The following TSHZ2 variants were observed in gnomAD, a reference collection of about 807,000 sequenced individuals.
The protein encoded by TSHZ2 is teashirt homolog 2.
In TSHZ2, 21 loss-of-function variants were observed where a neutral mutation model predicts 74.4. That is an observed-to-expected ratio of 0.28 (90% confidence interval 0.20 to 0.41). The LOEUF (loss-of-function observed/expected upper bound fraction) is 0.41, where lower values mean the gene tolerates loss of function less well. TSHZ2 is among the 10% of genes least tolerant of loss of function. The pLI is 1.00. For synonymous variants in TSHZ2, 540 were observed against 515.3 expected (o/e 1.05, Z -0.65); for missense variants, 1,244 against 1,293.5 (o/e 0.96, Z 0.59).
At chr20:53,112,533 TTTTG>T (rs1207582585) in intron 1 of TSHZ2, among the ~76,000 whole-genome samples, 4 of 152,150 alleles carry the variant, frequency 2.6e-5, no homozygotes, top group African/African-American at 9.7e-5. Context: ...TTTGTTGGTT[TTTTG>T]TTTGTTTTTG....
In TSHZ2 at chr20:53,488,454, G is replaced by C. The variant is rs1986353117; in HGVS notation, c.*1319G>C. 6.5e-6 allele frequency: 1 copy of C among 154,284 alleles called. No individual in the cohort carries two copies. The highest frequency in any genetic ancestry group is 1.4e-5 in the Non-Finnish European group (1 of 69,524). The allele number at this position is 154,284 out of a possible 1,614,324, so 9.6% of individuals were successfully genotyped here. A position where few individuals can be genotyped will look rare whatever the true frequency, so the allele number is the denominator to read the frequency against. On this transcript the variant is annotated 3_prime_UTR_variant, in exon 3 of 3. Transcript: ENST00000371497. ...TCTTGCATACCTAGTGCACAGTTTG[G>C]AGACGCAAGGATAGATCTGTTTACT...
intron 1 of TSHZ2, among the ~76,000 whole-genome samples, chr20:53,154,840 A>G (rs1987755474): frequency 6.6e-6 from 1 of 152,312 alleles, no homozygotes; most frequent in Admixed American, 6.5e-5. Flanking sequence ...TATCTCCCGA[A>G]TAATCAGCAA....
chr20:53,083,957 C>T (rs1214599573), intron 1 of TSHZ2, among the ~76,000 whole-genome samples: 1 of 151,630 alleles, frequency 6.6e-6, no homozygotes, highest in East Asian at 1.9e-4. Flanking sequence ...AAATCATAAG[C>T]CTTCTTTATT....
rs201340233 is a variant in TSHZ2 at position 52,997,264 on chromosome 20, G to GA, written c.40+23931_40+23932insA. 7.1e-3 allele frequency among the ~76,000 whole-genome samples: 968 copies of GA among 136,980 alleles called. 9 individuals carry two copies. Among genetic ancestry groups the GA allele is most frequent in the African/African-American group, 0.026 (941 of 36,322 alleles). 89.9% of individuals were successfully genotyped at this position (136,980 alleles called of 152,430 possible). On this transcript the variant is annotated intron_variant, in intron 1 of 2. Coordinates refer to ENST00000371497, the MANE Select transcript of TSHZ2 (RefSeq NM_173485.6). ...TTCCTGTGCTCATCTTGCCCCGGGG[G>GA]GGGGTTCAGCACTGTCCTGCTCTCT...
chr20:53,115,220 T>C (rs565932363), intron 1 of TSHZ2, among the ~76,000 whole-genome samples: 3 of 152,316 alleles, frequency 2.0e-5, no homozygotes, highest in Non-Finnish European at 4.4e-5. Flanking sequence ...TGATTGAATT[T>C]TAAGTACTAT....
intron 2 of TSHZ2, among the ~76,000 whole-genome samples, chr20:53,438,511 G>A (rs925688476): frequency 1.8e-4 from 27 of 152,178 alleles, no homozygotes; most frequent in Non-Finnish European, 1.2e-4. Context: ...ACCTAGGGTC[G>A]TGTGCTCATC....
intron 1 of TSHZ2, among the ~76,000 whole-genome samples, chr20:53,057,874 A>G (rs543976512): frequency 6.6e-6 from 1 of 152,290 alleles, no homozygotes; most frequent in African/African-American, 2.4e-5. Context: ...GAGGACATGG[A>G]CAGAAATGGG....
chr20:53,138,096 TCAG>T (rs1987290679), intron 1 of TSHZ2, among the ~76,000 whole-genome samples: 1 of 152,086 alleles, frequency 6.6e-6, no homozygotes, highest in South Asian at 2.1e-4. Flanking sequence ...ACTTCATATA[TCAG>T]TGGCCGGGCG....
At chr20:53,096,754 C>T (rs938179865) in intron 1 of TSHZ2, among the ~76,000 whole-genome samples, 6 of 151,720 alleles carry the variant, frequency 4.0e-5, no homozygotes, top group African/African-American at 1.5e-4. Flanking sequence ...TGGTTGTGGG[C>T]ACCTGTAATC....
rs115151241 is a variant in TSHZ2, at chr20:52,991,001, C to T, written c.40+17668C>T. ...TGCTGTAGGTCTCTTTTATTGTGTG[C>T]GTGAGTTGTGAATACATGTATATTA... On this transcript the variant is annotated intron_variant, in intron 1 of 2. Coordinates refer to ENST00000371497, the MANE Select transcript of TSHZ2 (RefSeq NM_173485.6). Among the ~76,000 whole-genome samples, 1,146 of 152,128 alleles carry T rather than the reference C, an allele frequency of 7.5e-3. 8 individuals carry two copies. The highest frequency in any genetic ancestry group is 0.024 in the African/African-American group (1,013 of 41,494).
intron 2 of TSHZ2, among the ~76,000 whole-genome samples, chr20:53,478,585 C>T (rs1237785998): frequency 3.3e-5 from 5 of 151,278 alleles, no homozygotes; most frequent in East Asian, 3.9e-4. Flanking sequence ...GTGGGTGCAG[C>T]GCACCAGCAT....
At chr20:53,195,345 G>A (rs1165962656) in intron 1 of TSHZ2, among the ~76,000 whole-genome samples, 1 of 151,730 alleles carries the variant, frequency 6.6e-6, no homozygotes, top group Non-Finnish European at 1.5e-5. Flanking sequence ...GGTTGAAAGC[G>A]ATTTTGTTCC....
At chr20:53,292,898 T>A (rs775764537) in intron 2 of TSHZ2, among the ~76,000 whole-genome samples, 4 of 152,198 alleles carry the variant, frequency 2.6e-5, no homozygotes, top group Non-Finnish European at 4.4e-5. Flanking sequence ...AAGGCTCAGA[T>A]AAAAGTCACA....
At chr20:53,268,989 T>C (rs928565929) in intron 2 of TSHZ2, among the ~76,000 whole-genome samples, 1 of 152,062 alleles carries the variant, frequency 6.6e-6, no homozygotes, top group Non-Finnish European at 1.5e-5. Context: ...TACTCATCTT[T>C]CAGTGATGCC....
intron 1 of TSHZ2, among the ~76,000 whole-genome samples, chr20:53,229,461 C>T (rs763902423): frequency 6.6e-6 from 1 of 152,158 alleles, no homozygotes; most frequent in Non-Finnish European, 1.5e-5. Context: ...TTACTGTATG[C>T]CTATTAAATT....
intron 1 of TSHZ2, among the ~76,000 whole-genome samples, chr20:53,197,981 G>A (rs1367830756): frequency 6.6e-6 from 1 of 152,172 alleles, no homozygotes; most frequent in Non-Finnish European, 1.5e-5. Flanking sequence ...CTTTGGCCAA[G>A]AATTCTTCCA....
intron 1 of TSHZ2, among the ~76,000 whole-genome samples, chr20:53,193,498 A>G (rs1988791247): frequency 1.3e-5 from 2 of 151,716 alleles, no homozygotes. Flanking sequence ...TCTCTTTTGT[A>G]TGTTGTCTCC....
At position 53,061,179 on chromosome 20, in the gene TSHZ2, T is replaced by C. The variant is rs188269782; in HGVS notation, c.40+87846T>C. Among the ~76,000 whole-genome samples the C allele has an allele frequency of 4.1e-4, 63 of 152,288 alleles. 1 individual carries two copies. The East Asian group carries it at 5.6e-3, about 14-fold the overall frequency. On this transcript the variant is annotated intron_variant, in intron 1 of 2. Coordinates refer to ENST00000371497, the MANE Select transcript of TSHZ2 (RefSeq NM_173485.6). ...AACGTTTTTTGAAGCTTCAGATATT[T>C]TGAACGCCAGAAATGACAAGAAAAT...
intron 1 of TSHZ2, among the ~76,000 whole-genome samples, chr20:53,042,125 A>C (rs140523700): frequency 6.6e-6 from 1 of 152,266 alleles, no homozygotes; most frequent in East Asian, 1.9e-4. Flanking sequence ...CATATATATT[A>C]ATATCTTCTG....
Sources: gnomAD v4.1 joint callset for allele counts (sites outside exome capture counted in the v4.1 genomes callset) on GRCh38, gnomAD v4.1.1 for gene constraint, MANE v1.5 for transcripts, NCBI Gene and HGNC (gene_info 2026-07-23, HGNC 2026-07-21) for gene names.